TTC33: variants seen among roughly 807,000 people sequenced by gnomAD.
TTC33 encodes tetratricopeptide repeat domain 33, also known as tetratricopeptide repeat protein 33.
Under a neutral mutation model 29.4 loss-of-function variants are expected in TTC33, and 24 were observed. That is an observed-to-expected ratio of 0.82 (90% CI 0.59 to 1.15). The LOEUF is 1.15. TTC33 is among the 50% of genes most tolerant of loss of function. The pLI is 0.00. For missense variants in TTC33, 286 were observed against 310.4 expected, an observed-to-expected ratio of 0.92 and a Z score of 0.59; for synonymous variants, 107 against 100.3, an observed-to-expected ratio of 1.07 and a Z score of -0.40.
At chr5:40,740,908 C>T (rs1474891488) in intron 2 of TTC33, among the ~76,000 whole-genome samples, 3 of 152,160 alleles carry the variant, frequency 2.0e-5, no homozygotes, top group Non-Finnish European at 2.9e-5. Context: ...TTTCAGATAT[C>T]GTATTTTTCA....
chr5:40,722,825 A>G (rs951440441), intron 4 of TTC33, among the ~76,000 whole-genome samples: 3 of 147,130 alleles, frequency 2.0e-5, no homozygotes, highest in African/African-American at 7.6e-5. Flanking sequence ...TGGGGGGCGC[A>G]GCCCCCACCC....
intron 1 of TTC33, among the ~76,000 whole-genome samples, chr5:40,747,751 A>G (rs1742823385): frequency 6.6e-6 from 1 of 152,206 alleles, no homozygotes; most frequent in African/African-American, 2.4e-5. Context: ...AAATTAAGAG[A>G]GACTTAAGAG....
chr5:40,746,242 G>GA (rs1242469528), intron 2 of TTC33, among the ~76,000 whole-genome samples: 1 of 151,872 alleles, frequency 6.6e-6, no homozygotes, highest in Non-Finnish European at 1.5e-5. Flanking sequence ...AAGGAAAAAA[G>GA]AAAAAAGAAA....
At chr5:40,738,577 A>AAT (rs1200707189) in intron 2 of TTC33, among the ~76,000 whole-genome samples, 34 of 145,312 alleles carry the variant, frequency 2.3e-4, no homozygotes, top group Admixed American at 4.8e-4. Context: ...TATAAAATAA[A>AAT]ATAAAATAAA....
chr5:40,722,835 CG>C (rs1742178517), intron 4 of TTC33, among the ~76,000 whole-genome samples: 1 of 151,382 alleles, frequency 6.6e-6, no homozygotes, highest in African/African-American at 2.4e-5. Flanking sequence ...AGCCCCCACC[CG>C]GCCAGCTGCC....
chr5:40,743,576 C>T (rs1742738696), intron 2 of TTC33, among the ~76,000 whole-genome samples: 1 of 151,910 alleles, frequency 6.6e-6, no homozygotes, highest in Non-Finnish European at 1.5e-5. Flanking sequence ...GGTTCAAGAC[C>T]AGCCTGGCCA....
At chr5:40,731,128 A>G (rs1324295745) in intron 2 of TTC33, among the ~76,000 whole-genome samples, 1 of 152,200 alleles carries the variant, frequency 6.6e-6, no homozygotes, top group African/African-American at 2.4e-5. Flanking sequence ...TAATTTATTG[A>G]TGTATTCCTT....
intron 2 of TTC33, among the ~76,000 whole-genome samples, chr5:40,745,714 A>C (rs113387704): frequency 0.01 from 1,547 of 150,972 alleles, 21 homozygotes; most frequent in African/African-American, 0.032. Context: ...TGGAACTGGA[A>C]TCATACTAGA....
rs11950122 is a variant in TTC33 at position 40,721,193 on chromosome 5, T to C, written c.436-4695A>G. On this transcript the variant is annotated intron_variant, in intron 4 of 4. Transcript: ENST00000337702. ...ACCTGTAGTGGAGTACTGATGGAAT[T>C]TGGCAAAATCCAGCTGCCTGGGGGC... Among the ~76,000 whole-genome samples, 621 of 152,234 alleles carry C rather than the reference T, an allele frequency of 4.1e-3. 4 individuals are homozygous for C. The highest frequency in any genetic ancestry group is 0.014 in the African/African-American group (591 of 41,528).
intron 4 of TTC33, among the ~76,000 whole-genome samples, chr5:40,718,197 GATC>G (rs983661398): frequency 3.3e-5 from 5 of 151,368 alleles, no homozygotes; most frequent in African/African-American, 1.2e-4. Context: ...CGAAAGCATG[GATC>G]ACTCAAGACC....
At chr5:40,748,259 C>T (rs1000036683) in intron 1 of TTC33, among the ~76,000 whole-genome samples, 7 of 151,862 alleles carry the variant, frequency 4.6e-5, no homozygotes, top group Non-Finnish European at 7.4e-5. Context: ...TGCAATGGCA[C>T]GACCTCGGCT....
chr5:40,719,312 T>C (rs1742075653), intron 4 of TTC33, among the ~76,000 whole-genome samples: 1 of 152,290 alleles, frequency 6.6e-6, no homozygotes, highest in Non-Finnish European at 1.5e-5. Context: ...AATGAAATCA[T>C]ACAGCCTTTT....
At chr5:40,741,847 G>A (rs1413336502) in intron 2 of TTC33, among the ~76,000 whole-genome samples, 1 of 152,102 alleles carries the variant, frequency 6.6e-6, no homozygotes, top group Non-Finnish European at 1.5e-5. Context: ...AAATTAGCCA[G>A]GCGTGGTGGC....
At chr5:40,721,621 GA>G (rs1200157943) in intron 4 of TTC33, among the ~76,000 whole-genome samples, 1 of 151,954 alleles carries the variant, frequency 6.6e-6, no homozygotes, top group African/African-American at 2.4e-5. Context: ...GTGCATTAAA[GA>G]CTTAAATGTA....
intron 2 of TTC33, among the ~76,000 whole-genome samples, chr5:40,733,278 G>A (rs1742476549): frequency 6.6e-6 from 1 of 152,038 alleles, no homozygotes; most frequent in African/African-American, 2.4e-5. Flanking sequence ...GAAGGTCTTT[G>A]GTCTCTAGAG....
intron 4 of TTC33, among the ~76,000 whole-genome samples, chr5:40,727,080 C>T (rs1461186480): frequency 1.3e-5 from 2 of 152,198 alleles, no homozygotes; most frequent in Admixed American, 1.3e-4. Flanking sequence ...AAATTCCTTA[C>T]TATTTCTGAG....
At chr5:40,755,527 A>G (rs1345479959) in intron 1 of TTC33, among the ~76,000 whole-genome samples, 1 of 152,106 alleles carries the variant, frequency 6.6e-6, no homozygotes, top group Non-Finnish European at 1.5e-5. Context: ...CCCACCGCTC[A>G]GGGAAGGTTG....
chr5:40,718,722 A>G (rs1288679332), intron 4 of TTC33, among the ~76,000 whole-genome samples: 1 of 151,690 alleles, frequency 6.6e-6, no homozygotes, highest in East Asian at 1.9e-4. Flanking sequence ...TGGGCGACAG[A>G]GCAAGATTCC....
intron 2 of TTC33, among the ~76,000 whole-genome samples, chr5:40,740,339 G>A (rs1215813997): frequency 6.6e-6 from 1 of 151,458 alleles, no homozygotes; most frequent in East Asian, 1.9e-4. Context: ...AGGCCTACTG[G>A]TAATGGGTTA....
Sources: gnomAD v4.1 joint callset for allele counts (sites outside exome capture counted in the v4.1 genomes callset) on GRCh38, gnomAD v4.1.1 for gene constraint, MANE v1.5 for transcripts, NCBI Gene and HGNC (gene_info 2026-07-23, HGNC 2026-07-21) for gene names.